ZNF469: variants seen among roughly 807,000 people sequenced by gnomAD.
ZNF469 encodes the protein zinc finger protein 469.
ZNF469 carries 1 observed loss-of-function variant against 1.0 expected under a neutral mutation model. That is an observed-to-expected ratio of 1.00 (90% CI 0.35 to 4.73). The LOEUF (loss-of-function observed/expected upper bound fraction) is 4.73. ZNF469 is among the 30% of genes most tolerant of loss of function. ZNF469 has a pLI of 0.16. For missense variants in ZNF469, 6,100 were observed against 5,356.3 expected (o/e 1.14, Z -4.33); for synonymous variants, 2,703 against 2,363.4 (o/e 1.14, Z -4.17).
the ZNF469 span, among the ~76,000 whole-genome samples, chr16:88,331,187 C>T: frequency 3.3e-5 from 5 of 149,944 alleles, no homozygotes; most frequent in East Asian, 2.0e-4. Flanking sequence ...TCACCACCGT[C>T]GTCACCATCA....
chr16:88,357,543 C>T, the ZNF469 span, among the ~76,000 whole-genome samples: 1 of 152,222 alleles, frequency 6.6e-6, no homozygotes, highest in Non-Finnish European at 1.5e-5. Context: ...AGGCCTCTTT[C>T]CGAGCCAGCA....
the ZNF469 span, among the ~76,000 whole-genome samples, chr16:88,281,680 C>G: frequency 3.3e-5 from 5 of 150,796 alleles, no homozygotes; most frequent in African/African-American, 1.2e-4. Flanking sequence ...CTGTGCCACA[C>G]CAACACTCGG....
chr16:88,322,442 T>C, the ZNF469 span, among the ~76,000 whole-genome samples: 1 of 152,200 alleles, frequency 6.6e-6, no homozygotes, highest in African/African-American at 2.4e-5. Flanking sequence ...GTCCCGGCCG[T>C]GTTCATCCTG....
the ZNF469 span, among the ~76,000 whole-genome samples, chr16:88,376,522 C>T: frequency 2.6e-5 from 4 of 152,350 alleles, no homozygotes; most frequent in East Asian, 1.9e-4. Flanking sequence ...TGCCGCCGCC[C>T]GTGAACGGGC....
At chr16:88,329,165 A>G in the ZNF469 span, among the ~76,000 whole-genome samples, 1 of 152,186 alleles carries the variant, frequency 6.6e-6, no homozygotes, top group African/African-American at 2.4e-5. Context: ...AGGGAGCCAC[A>G]GAAGGTTCAT....
At chr16:88,315,550 G>A in the ZNF469 span, among the ~76,000 whole-genome samples, 469 of 152,324 alleles carry the variant, frequency 3.1e-3, 12 homozygotes, top group Admixed American at 0.028. Flanking sequence ...CAAGGGCGTG[G>A]CCAGGTGACT....
chr16:88,409,600 C>G (rs989733414), intron 1 of ZNF469, among the ~76,000 whole-genome samples: 2 of 152,202 alleles, frequency 1.3e-5, no homozygotes, highest in Non-Finnish European at 2.9e-5. Flanking sequence ...GGAGGACCTT[C>G]TCCTCATAGG....
At chr16:88,398,820 C>T (rs1242803892) in intron 1 of ZNF469, among the ~76,000 whole-genome samples, 2 of 152,186 alleles carry the variant, frequency 1.3e-5, no homozygotes, top group Non-Finnish European at 2.9e-5. Flanking sequence ...GGATCCGTGA[C>T]CAAAGGTCAG....
At chr16:88,390,399 G>C (rs773840282) in intron 1 of ZNF469, among the ~76,000 whole-genome samples, 5 of 152,188 alleles carry the variant, frequency 3.3e-5, no homozygotes, top group Non-Finnish European at 5.9e-5. Flanking sequence ...GGTTGGGGGA[G>C]GCAGGCCAGA....
chr16:88,154,610 G>A, the ZNF469 span, among the ~76,000 whole-genome samples: 1 of 152,252 alleles, frequency 6.6e-6, no homozygotes, highest in African/African-American at 2.4e-5. Flanking sequence ...ATTTGCTGAG[G>A]AGGAGCTGAG....
the ZNF469 span, among the ~76,000 whole-genome samples, chr16:88,214,410 A>G: frequency 6.6e-6 from 1 of 151,328 alleles, no homozygotes; most frequent in Non-Finnish European, 1.5e-5. Flanking sequence ...GCATTTGAAG[A>G]GGGGTGTTAA....
chr16:88,427,676 G>C lies in ZNF469; in HGVS notation c.206G>C (p.Arg69Thr). The C allele has an allele frequency of 6.5e-7, 1 of 1,534,264 alleles. No homozygotes were observed. Among genetic ancestry groups the C allele is most frequent in the Non-Finnish European group, 8.7e-7 (1 of 1,143,498 alleles). Residue 69 changes from arginine to threonine, a missense_variant, in exon 3 of 3, where the codon AGG becomes ACG. Coordinates refer to ENST00000565624, the MANE Select transcript of ZNF469 (RefSeq NM_001367624.2). ...CCCGAGGCCCAGCCAAGGCAGGCCA[G>C]GGACGGGGAGCTCAAGCCCCCATCC... ...ELPEAQPRQARDGELKPPSLR... is the reference protein window; with the variant it reads ...ELPEAQPRQATDGELKPPSLR...
At chr16:88,104,248 TAAA>T in the ZNF469 span, among the ~76,000 whole-genome samples, 56 of 130,440 alleles carry the variant, frequency 4.3e-4, no homozygotes, top group South Asian at 1.1e-3. Flanking sequence ...GACGGTATCT[TAAA>T]AAAAAAAAAA....
chr16:88,352,135 G>C, the ZNF469 span, among the ~76,000 whole-genome samples: 1 of 152,172 alleles, frequency 6.6e-6, no homozygotes, highest in African/African-American at 2.4e-5. Context: ...GGGATGGAGA[G>C]TGACTACCCA....
chr16:88,202,112 G>A, the ZNF469 span, among the ~76,000 whole-genome samples: 2 of 152,184 alleles, frequency 1.3e-5, no homozygotes, highest in Admixed American at 6.5e-5. Flanking sequence ...TGGCTGGAAT[G>A]CCAGGTTCAG....
the ZNF469 span, among the ~76,000 whole-genome samples, chr16:88,225,065 G>C: frequency 9.9e-5 from 15 of 152,158 alleles, no homozygotes; most frequent in African/African-American, 3.4e-4. Flanking sequence ...CTCCTCACTG[G>C]CCCCCCTGCC....
At chr16:88,171,133 C>A in the ZNF469 span, among the ~76,000 whole-genome samples, 1 of 152,298 alleles carries the variant, frequency 6.6e-6, no homozygotes, top group Admixed American at 6.5e-5. Flanking sequence ...AGGCATTTAG[C>A]AAGGTAGGCA....
the ZNF469 span, among the ~76,000 whole-genome samples, chr16:88,316,246 G>A: frequency 2.6e-5 from 4 of 152,228 alleles, no homozygotes; most frequent in African/African-American, 4.8e-5. Flanking sequence ...GAATCTGGAC[G>A]TACCTTTTAT....
At chr16:88,248,856 T>G in the ZNF469 span, among the ~76,000 whole-genome samples, 2 of 152,178 alleles carry the variant, frequency 1.3e-5, no homozygotes, top group Non-Finnish European at 2.9e-5. Flanking sequence ...CTTTCTCCAC[T>G]TCAAAGCTTT....
Sources: gnomAD v4.1 joint callset for allele counts (sites outside exome capture counted in the v4.1 genomes callset) on GRCh38, gnomAD v4.1.1 for gene constraint, MANE v1.5 for transcripts, NCBI Gene and HGNC (gene_info 2026-07-23, HGNC 2026-07-21) for gene names.